Variants in PCDH7 observed in about 807,000 individuals in gnomAD.
PCDH7 encodes the protein protocadherin 7.
Under a neutral mutation model 58.9 loss-of-function variants are expected in PCDH7, and 17 were observed. The observed-to-expected ratio is 0.29, with a 90% CI of 0.20 to 0.43. The LOEUF (loss-of-function observed/expected upper bound fraction) is 0.43, where lower values mean the gene tolerates loss of function less well. PCDH7 is among the 20% of genes least tolerant of loss of function. PCDH7 has a pLI of 1.00. For missense variants in PCDH7, 1,274 were observed against 1,441.0 expected (o/e 0.88, Z 1.88); for synonymous variants, 664 against 616.4 (o/e 1.08, Z -1.14).
In PCDH7 at chr4:30,720,529, G is replaced by C. The variant is rs528482705; in HGVS notation, c.-894G>C. 1 of 152,828 alleles carries C rather than the reference G, an allele frequency of 6.5e-6. No individual in the cohort carries two copies. The highest frequency in any genetic ancestry group is 2.1e-4 in the South Asian group (1 of 4,828). The allele number at this position is 152,828 out of a possible 1,614,324, so 9.5% of individuals were successfully genotyped here. ...GGGCGAAAGGCTGCTGCGGTTTCAG[G>C]CGGCTGCTTCGTGACTAATGACCTT... On this transcript the variant is annotated 5_prime_UTR_variant, in exon 1 of 2. Coordinates refer to ENST00000361762, the Ensembl canonical transcript of PCDH7. This position sits in a 1 kb window ranked among gnomAD's most constrained non-coding sequence, Gnocchi z 4.7.
chr4:30,748,719 CA>C (rs1718095749), intron 1 of PCDH7, among the ~76,000 whole-genome samples: 1 of 152,154 alleles, frequency 6.6e-6, no homozygotes. Flanking sequence ...CTGGGAATAG[CA>C]ATATCATTAA....
intron 3 of PCDH7, among the ~76,000 whole-genome samples, chr4:31,031,951 G>A (rs1036932028): frequency 6.6e-6 from 1 of 152,144 alleles, no homozygotes; most frequent in African/African-American, 2.4e-5. Context: ...CACATAAGTA[G>A]TACGTAATAT....
chr4:31,092,472 G>T (rs1713381894), intron 3 of PCDH7, among the ~76,000 whole-genome samples: 1 of 151,948 alleles, frequency 6.6e-6, no homozygotes, highest in African/African-American at 2.4e-5. Flanking sequence ...TATTACCATT[G>T]AAAGGGCTCC....
At chr4:31,138,081 GTAAGGCA>G (rs1330247333) in intron 3 of PCDH7, among the ~76,000 whole-genome samples, 1 of 152,046 alleles carries the variant, frequency 6.6e-6, no homozygotes, top group Non-Finnish European at 1.5e-5. Flanking sequence ...TCTGAATTAT[GTAAGGCA>G]TCTTCTGGAA....
intron 3 of PCDH7, among the ~76,000 whole-genome samples, chr4:31,011,163 A>C (rs932617110): frequency 6.6e-6 from 1 of 152,028 alleles, no homozygotes; most frequent in Non-Finnish European, 1.5e-5. Context: ...GGCAACCACA[A>C]GGTTACAGTT....
intron 1 of PCDH7, among the ~76,000 whole-genome samples, chr4:30,752,324 G>A (rs866736287): frequency 2.0e-5 from 3 of 152,040 alleles, no homozygotes; most frequent in Admixed American, 6.6e-5. Context: ...AGTAGAGACG[G>A]GGTTTCACCA....
chr4:30,846,488 T>TTC (rs1731975434), intron 1 of PCDH7, among the ~76,000 whole-genome samples: 1 of 151,750 alleles, frequency 6.6e-6, no homozygotes, highest in South Asian at 2.1e-4. Context: ...ACTGTGAGTT[T>TTC]TTTTTTTTTT....
At chr4:30,958,061 G>A (rs1483674237) in intron 3 of PCDH7, among the ~76,000 whole-genome samples, 2 of 152,014 alleles carry the variant, frequency 1.3e-5, no homozygotes, top group African/African-American at 4.8e-5. Flanking sequence ...ATAGAAGAGA[G>A]GAAAGAGTGG....
chr4:30,997,389 G>A (rs1420593259), intron 3 of PCDH7, among the ~76,000 whole-genome samples: 11 of 152,098 alleles, frequency 7.2e-5, no homozygotes, highest in Admixed American at 7.2e-4. Flanking sequence ...AATTTAAAAT[G>A]CTTTTAGGAT....
At chr4:30,883,398 T>C (rs1448675992) in intron 1 of PCDH7, among the ~76,000 whole-genome samples, 2 of 152,302 alleles carry the variant, frequency 1.3e-5, no homozygotes, top group East Asian at 3.9e-4. Flanking sequence ...CCTTGAAATA[T>C]GTGTAGGTCC....
intron 1 of PCDH7, among the ~76,000 whole-genome samples, chr4:30,845,409 G>C (rs563969388): frequency 3.1e-4 from 47 of 152,172 alleles, no homozygotes; most frequent in East Asian, 7.7e-4. Flanking sequence ...TTAACTTGTG[G>C]AGTTGAAGTT....
intron 3 of PCDH7, among the ~76,000 whole-genome samples, chr4:31,058,503 G>A (rs920076851): frequency 6.6e-6 from 1 of 152,044 alleles, no homozygotes. Flanking sequence ...GTTAGGCAGA[G>A]TGCATTTACC....
At chr4:31,095,001 G>A (rs1174209908) in intron 3 of PCDH7, among the ~76,000 whole-genome samples, 2 of 150,100 alleles carry the variant, frequency 1.3e-5, no homozygotes, top group East Asian at 5.0e-4. Flanking sequence ...GTAGCTATAA[G>A]GTGAAAAAAT....
chr4:31,096,726 G>C (rs765705286), intron 3 of PCDH7, among the ~76,000 whole-genome samples: 1 of 152,138 alleles, frequency 6.6e-6, no homozygotes, highest in Non-Finnish European at 1.5e-5. Flanking sequence ...GGAACACCTT[G>C]TTTGCTTCCA....
chr4:30,827,762 G>C (rs756005882), intron 1 of PCDH7, among the ~76,000 whole-genome samples: 4 of 151,964 alleles, frequency 2.6e-5, no homozygotes, highest in Non-Finnish European at 5.9e-5. Context: ...AACATGATTC[G>C]TATTCTCAAG....
chr4:30,778,071 C>T (rs1018935905), intron 1 of PCDH7, among the ~76,000 whole-genome samples: 2 of 151,998 alleles, frequency 1.3e-5, no homozygotes, highest in African/African-American at 4.8e-5. Flanking sequence ...TATTTCCAGT[C>T]CAAGATGCCA....
chr4:30,935,102 G>C (rs973896207), intron 2 of PCDH7, among the ~76,000 whole-genome samples: 6 of 151,942 alleles, frequency 3.9e-5, no homozygotes, highest in Non-Finnish European at 5.9e-5. Flanking sequence ...TATTGCTGAA[G>C]TATTACTTTA....
At chr4:31,052,673 G>A (rs1214825563) in intron 3 of PCDH7, among the ~76,000 whole-genome samples, 2 of 152,080 alleles carry the variant, frequency 1.3e-5, no homozygotes, top group Non-Finnish European at 2.9e-5. Context: ...AAATCTATCT[G>A]CATATGCAAT....
chr4:30,938,203 C>G (rs1446096467), intron 2 of PCDH7, among the ~76,000 whole-genome samples: 1 of 152,080 alleles, frequency 6.6e-6, no homozygotes, highest in Non-Finnish European at 1.5e-5. Context: ...CTCAGACACA[C>G]ATTCTTTCTA....
Sources: gnomAD v4.1 joint callset for allele counts (sites outside exome capture counted in the v4.1 genomes callset) on GRCh38, gnomAD v4.1.1 for gene constraint, Gnocchi (gnomAD v3.1) non-coding constraint, MANE v1.5 for transcripts, NCBI Gene and HGNC (gene_info 2026-07-23, HGNC 2026-07-21) for gene names.